MAP2K1: variants seen among roughly 807,000 people sequenced by gnomAD.
MAP2K1 encodes dual specificity mitogen-activated protein kinase kinase 1.
In MAP2K1, 16 loss-of-function variants were observed where a neutral mutation model predicts 46.3. That is an observed-to-expected ratio of 0.35 (90% confidence interval 0.23 to 0.52). MAP2K1 has a LOEUF of 0.52. Ranked by LOEUF, MAP2K1 falls within the 20% of genes least tolerant of loss-of-function variation. The pLI, the probability that MAP2K1 is intolerant of heterozygous loss-of-function variation, is 0.94. For missense variants in MAP2K1, 263 were observed against 497.1 expected (o/e 0.53, Z 4.48); for synonymous variants, 183 against 185.6 (o/e 0.99, Z 0.11).
chr15:66,465,689 A>G (rs970442882), intron 5 of MAP2K1, among the ~76,000 whole-genome samples: 3 of 152,286 alleles, frequency 2.0e-5, no homozygotes, highest in Non-Finnish European at 2.9e-5. Flanking sequence ...CTCCATCTCA[A>G]AAACAACAAC....
chr15:66,490,283 T>C, intron 10 of MAP2K1: 1 of 679,544 alleles, frequency 1.5e-6, no homozygotes, highest in Non-Finnish European at 2.7e-6. Flanking sequence ...ACGAGTAGGC[T>C]CCAAGAGGTG....
At position 66,485,109 on chromosome 15, in the gene MAP2K1, G is replaced by A. The variant is rs1595886310; in HGVS notation, c.813G>A (p.Leu271=). The change falls in exon 7 of 11, where the codon CTG becomes CTA. Residue 271 remains leucine (L), a synonymous_variant. Transcript: ENST00000307102. The part of the protein sequence containing the change: ...YPIPPPDAKE[L]ELMFGCQVEG... ...TCCCTCCTCCAGATGCCAAGGAGCT[G>A]GAGCTGATGTTTGGGTGCCAGGTGG... 1 of 1,614,102 alleles carries A rather than the reference G, an allele frequency of 6.2e-7. No homozygotes were observed. Among genetic ancestry groups the A allele is most frequent in the East Asian group, 2.2e-5 (1 of 44,888 alleles).
intron 1 of MAP2K1, among the ~76,000 whole-genome samples, chr15:66,396,979 C>G (rs973714845): frequency 2.7e-5 from 4 of 148,184 alleles, no homozygotes; most frequent in Non-Finnish European, 4.5e-5. Flanking sequence ...GCTACCATGC[C>G]TGGCCTGTAA....
At chr15:66,397,074 G>A (rs1480894864) in intron 1 of MAP2K1, among the ~76,000 whole-genome samples, 4 of 139,132 alleles carry the variant, frequency 2.9e-5, no homozygotes, top group African/African-American at 1.1e-4. Context: ...GCACAATCTC[G>A]GCTCACTGCA....
In MAP2K1 at chr15:66,443,266, A is replaced by G. The variant is rs754725417; in HGVS notation, c.439-14A>G. The G allele has an allele frequency of 1.9e-6, 3 of 1,553,172 alleles. No individual in the cohort carries two copies. The highest frequency in any genetic ancestry group is 2.7e-6 in the Non-Finnish European group (3 of 1,124,604). On this transcript the variant is annotated splice_polypyrimidine_tract_variant and intron_variant, in intron 3 of 10. Coordinates refer to ENST00000307102, the MANE Select transcript of MAP2K1 (RefSeq NM_002755.4). ...GAACATTGTCACTAACTGGTCTGGT[A>G]TTCTCGATCTTAGGATGGAGGTTCT...
At chr15:66,445,285 G>A (rs1891838095) in intron 5 of MAP2K1, among the ~76,000 whole-genome samples, 1 of 152,122 alleles carries the variant, frequency 6.6e-6, no homozygotes, top group Non-Finnish European at 1.5e-5. Flanking sequence ...CCAGCTACTT[G>A]GGAGGCTGAG....
intron 1 of MAP2K1, among the ~76,000 whole-genome samples, chr15:66,414,018 A>G (rs896599837): frequency 3.5e-5 from 5 of 142,254 alleles, no homozygotes; most frequent in South Asian, 2.1e-4. Context: ...GGCTCTTATC[A>G]TCATCTTAGA....
Position 66,490,966 on chromosome 15 carries a change from T to G in MAP2K1, c.*351T>G. The G allele has an allele frequency of 6.8e-6, 3 of 440,306 alleles. No individual in the cohort carries two copies. Among genetic ancestry groups the G allele is most frequent in the Non-Finnish European group, 8.4e-6 (2 of 237,180 alleles). The allele number at this position is 440,306 out of a possible 1,614,324, so 27.3% of individuals were successfully genotyped here. Reference sequence around the variant, plus strand: ...TGCTCCATGACTGGCTGTCTGCCTGTATTTTCGGGATTCTTTGACATTTGG... The same window carrying G: ...TGCTCCATGACTGGCTGTCTGCCTGGATTTTCGGGATTCTTTGACATTTGG... On this transcript the variant is annotated 3_prime_UTR_variant, in exon 11 of 11. Transcript: ENST00000307102.
intron 1 of MAP2K1, among the ~76,000 whole-genome samples, chr15:66,416,823 C>T (rs1199464113): frequency 6.6e-6 from 1 of 152,170 alleles, no homozygotes; most frequent in Non-Finnish European, 1.5e-5. Context: ...AACTTAAAAT[C>T]TAATGGTGTT....
intron 5 of MAP2K1, among the ~76,000 whole-genome samples, chr15:66,453,180 C>T (rs1892080550): frequency 1.3e-5 from 2 of 152,150 alleles, no homozygotes; most frequent in African/African-American, 2.4e-5. Flanking sequence ...ATTTCCATTC[C>T]AAGGAGAGGG....
At chr15:66,463,302 G>A (rs753007874) in intron 5 of MAP2K1, among the ~76,000 whole-genome samples, 12 of 152,222 alleles carry the variant, frequency 7.9e-5, no homozygotes, top group African/African-American at 1.2e-4. Flanking sequence ...AGTCAAACAC[G>A]AAGGGAACAT....
intron 1 of MAP2K1, among the ~76,000 whole-genome samples, chr15:66,401,458 A>G (rs1448036344): frequency 2.0e-5 from 3 of 151,934 alleles, no homozygotes; most frequent in African/African-American, 7.2e-5. Flanking sequence ...TAATTGTTGT[A>G]TTTTTGAATT....
At position 66,490,632 on chromosome 15, in the gene MAP2K1, A is replaced by G. The variant is rs777783461; in HGVS notation, c.*17A>G. On this transcript the variant is annotated 3_prime_UTR_variant, in exon 11 of 11. Coordinates refer to ENST00000307102, the MANE Select transcript of MAP2K1 (RefSeq NM_002755.4). ...GGCGTCTAAGTGTTTGGGAAGCAAC[A>G]AAGAGCGAGTCCCCTGCCCGGTGGT... 2 of 1,596,204 alleles carry G rather than the reference A, an allele frequency of 1.3e-6. No individual in the cohort carries two copies. The highest frequency in any genetic ancestry group is 1.3e-5 in the African/African-American group (1 of 74,538).
At chr15:66,417,500 A>G (rs2093427380) in intron 1 of MAP2K1, among the ~76,000 whole-genome samples, 1 of 152,142 alleles carries the variant, frequency 6.6e-6, no homozygotes, top group Non-Finnish European at 1.5e-5. Flanking sequence ...GCCTGAGCCC[A>G]GGAGATTGAG....
chr15:66,419,928 A>C (rs1177151594), intron 1 of MAP2K1, among the ~76,000 whole-genome samples: 1 of 151,752 alleles, frequency 6.6e-6, no homozygotes, highest in Admixed American at 6.6e-5. Flanking sequence ...CTTGGAAACT[A>C]CCTGATTTAC....
intron 1 of MAP2K1, among the ~76,000 whole-genome samples, chr15:66,417,552 G>T (rs557109360): frequency 6.6e-6 from 1 of 152,252 alleles, no homozygotes; most frequent in South Asian, 2.1e-4. Context: ...CCCAGTCTGC[G>T]CAACAAAATG....
intron 1 of MAP2K1, among the ~76,000 whole-genome samples, chr15:66,396,759 A>T (rs2093368558): frequency 6.6e-6 from 1 of 151,354 alleles, no homozygotes; most frequent in Non-Finnish European, 1.5e-5. Context: ...ATCTCGGCTC[A>T]CTGCAACCTC....
At chr15:66,423,349 C>T (rs2093448304) in intron 1 of MAP2K1, among the ~76,000 whole-genome samples, 1 of 152,066 alleles carries the variant, frequency 6.6e-6, no homozygotes, top group African/African-American at 2.4e-5. Flanking sequence ...TCTGGGTCAT[C>T]TGAGTCTGGT....
At chr15:66,468,959 A>G (rs1253472559) in intron 5 of MAP2K1, among the ~76,000 whole-genome samples, 1 of 149,514 alleles carries the variant, frequency 6.7e-6, no homozygotes, top group East Asian at 2.0e-4. Flanking sequence ...GTCTCAAAAA[A>G]AAAAATTTTT....
Sources: allele counts gnomAD v4.1 joint callset (sites outside exome capture counted in the v4.1 genomes callset), GRCh38; gene constraint gnomAD v4.1.1; transcripts MANE v1.5; gene names NCBI Gene and HGNC (gene_info 2026-07-23, HGNC 2026-07-21).